CRCP: variants seen among roughly 807,000 people sequenced by gnomAD.
CRCP encodes the protein DNA-directed RNA polymerase III subunit RPC9.
CRCP carries 18 observed loss-of-function variants against 18.5 expected under a neutral mutation model. The observed-to-expected ratio is 0.97, with a 90% confidence interval of 0.67 to 1.44. CRCP has a LOEUF of 1.44. Ranked by LOEUF, CRCP falls within the 40% of genes most tolerant of loss-of-function variation. The pLI, the probability that CRCP is intolerant of heterozygous loss-of-function variation, is 0.00. For missense variants in CRCP, 130 were observed against 176.4 expected (o/e 0.74, Z 1.49); for synonymous variants, 53 against 62.9 (o/e 0.84, Z 0.75).
intron 1 of CRCP, among the ~76,000 whole-genome samples, chr7:66,120,215 A>G (rs1234559940): frequency 2.0e-5 from 3 of 152,122 alleles, no homozygotes; most frequent in East Asian, 3.8e-4. Context: ...AAGAAAAAAA[A>G]ATGTTTTTTG....
rs753554431 is a variant in CRCP at position 66,114,882 on chromosome 7, C to T, written c.-81C>T. On this transcript the variant is annotated 5_prime_UTR_variant, in exon 1 of 6. Transcript: ENST00000395326. Reference sequence around the variant, plus strand: ...TTGGCGCGCGGAGCTGGCACCTTGGCGCTGTTGGTGGCGGCGGAGACAGCT... The same window carrying T: ...TTGGCGCGCGGAGCTGGCACCTTGGTGCTGTTGGTGGCGGCGGAGACAGCT... 1.9e-6 allele frequency: 3 copies of T among 1,608,440 alleles called. No individual in the cohort carries two copies. Among genetic ancestry groups the T allele is most frequent in the East Asian group, 2.2e-5 (1 of 44,626 alleles).
At chr7:66,123,309 G>A (rs1184859640) in intron 1 of CRCP, among the ~76,000 whole-genome samples, 1 of 152,074 alleles carries the variant, frequency 6.6e-6, no homozygotes, top group Non-Finnish European at 1.5e-5. Context: ...GTATAGGTAA[G>A]CAGTTTCTAG....
chr7:66,114,872 G>A lies in CRCP; in HGVS notation c.-91G>A, dbSNP rs1441486215. On this transcript the variant is annotated 5_prime_UTR_variant, in exon 1 of 6. Coordinates refer to ENST00000395326, the MANE Select transcript of CRCP (RefSeq NM_014478.5). Reference sequence around the variant, plus strand: ...GGCGAGCACCTTGGCGCGCGGAGCTGGCACCTTGGCGCTGTTGGTGGCGGC... The same window carrying A: ...GGCGAGCACCTTGGCGCGCGGAGCTAGCACCTTGGCGCTGTTGGTGGCGGC... 3 of 1,606,026 alleles carry A rather than the reference G, an allele frequency of 1.9e-6. No individual in the cohort carries two copies. Among genetic ancestry groups the A allele is most frequent in the Non-Finnish European group, 2.6e-6 (3 of 1,173,558 alleles).
rs1350883940 is a variant in CRCP at position 66,127,567 on chromosome 7, C to G, written c.9-137C>G. On this transcript the variant is annotated intron_variant, in intron 1 of 5. Coordinates refer to ENST00000395326, the MANE Select transcript of CRCP (RefSeq NM_014478.5). ...AAACCATGTTGGACTTAGGACATTT[C>G]TCAGTTTCAATTTTAGGTTGTAGTC... 46 of 920,878 alleles carry G rather than the reference C, an allele frequency of 5.0e-5. No individual in the cohort carries two copies. In the South Asian group the frequency reaches 5.3e-4, roughly 11 times the overall value. The allele number at this position is 920,878 out of a possible 1,614,324, so 57.0% of individuals were successfully genotyped here. A position where few individuals can be genotyped will look rare whatever the true frequency, so the allele number is the denominator to read the frequency against.
intron 1 of CRCP, among the ~76,000 whole-genome samples, chr7:66,121,302 C>T (rs1440028179): frequency 1.3e-5 from 2 of 151,966 alleles, no homozygotes; most frequent in Non-Finnish European, 2.9e-5. Context: ...TCTACCGCCT[C>T]GGCCTCCGAA....
At position 66,152,873 on chromosome 7, in the gene CRCP, T is replaced by TGGCCAATCCTTCAACAGCTCTAGA. The variant is rs1788516839; in HGVS notation, c.*518_*541dup. On this transcript the variant is annotated 3_prime_UTR_variant, in exon 6 of 6. Transcript: ENST00000395326. The stretch of plus-strand genomic sequence containing the variant: ...AACAGAGATAAGAAAAGAACCGGCC[T>TGGCCAATCCTTCAACAGCTCTAGA]GGCCAATCCTTCAACAGCTCTAGAG... 1 of 154,164 alleles carries TGGCCAATCCTTCAACAGCTCTAGA rather than the reference T, an allele frequency of 6.5e-6. No homozygotes were observed. The highest frequency in any genetic ancestry group is 1.4e-5 in the Non-Finnish European group (1 of 69,170). 9.5% of individuals were successfully genotyped at this position (154,164 alleles called of 1,614,324 possible). A position where few individuals can be genotyped will look rare whatever the true frequency, so the allele number is the denominator to read the frequency against.
At chr7:66,141,553 C>A (rs904929581) in intron 4 of CRCP, among the ~76,000 whole-genome samples, 2 of 152,024 alleles carry the variant, frequency 1.3e-5, no homozygotes, top group Non-Finnish European at 2.9e-5. Flanking sequence ...CAGAGCCTCT[C>A]TGGAGAAGAG....
chr7:66,148,081 G>T (rs986762325), intron 5 of CRCP, among the ~76,000 whole-genome samples: 7 of 152,126 alleles, frequency 4.6e-5, no homozygotes, highest in African/African-American at 1.7e-4. Context: ...AAAGCAAATG[G>T]CTGGGCACGG....
rs1788506625 is a variant in CRCP at position 66,152,491 on chromosome 7, A to G, written c.*134A>G. 5.4e-6 allele frequency: 5 copies of G among 926,990 alleles called. No individual in the cohort carries two copies. Among genetic ancestry groups the G allele is most frequent in the Non-Finnish European group, 6.3e-6 (4 of 631,636 alleles). The allele number at this position is 926,990 out of a possible 1,614,324, so 57.4% of individuals were successfully genotyped here. A position where few individuals can be genotyped will look rare whatever the true frequency, so the allele number is the denominator to read the frequency against. On this transcript the variant is annotated 3_prime_UTR_variant, in exon 6 of 6. Transcript: ENST00000395326. The stretch of plus-strand genomic sequence containing the variant: ...GGCTTTGTGGTTAGTTGGGTACATC[A>G]CAAAAATAAGTTAAAAAGAAATATT...
At chr7:66,131,596 A>G (rs1364946185) in intron 3 of CRCP, among the ~76,000 whole-genome samples, 2 of 152,000 alleles carry the variant, frequency 1.3e-5, no homozygotes, top group Non-Finnish European at 2.9e-5. Context: ...TACACGCTTA[A>G]GGCTATTATT....
At position 66,154,457 on chromosome 7, in the gene CRCP, C is replaced by G. The variant is rs192514553; in HGVS notation, c.*2100C>G. 1.3e-4 allele frequency: 20 copies of G among 152,034 alleles called. No homozygotes were observed. Among genetic ancestry groups the G allele is most frequent in the African/African-American group, 3.4e-4 (14 of 41,482 alleles). 9.4% of individuals were successfully genotyped at this position (152,034 alleles called of 1,614,324 possible). A position where few individuals can be genotyped will look rare whatever the true frequency, so the allele number is the denominator to read the frequency against. On this transcript the variant is annotated 3_prime_UTR_variant, in exon 6 of 6. Coordinates refer to ENST00000395326, the MANE Select transcript of CRCP (RefSeq NM_014478.5). ...TTTTCTTGATGGATTTAGGGTTAAC[C>G]TAGTTAATAATAAATTGTTTCCAGG...
Position 66,152,668 on chromosome 7 carries a change from G to A in CRCP, c.*311G>A, listed in dbSNP as rs2292936. On this transcript the variant is annotated 3_prime_UTR_variant, in exon 6 of 6. Coordinates refer to ENST00000395326, the MANE Select transcript of CRCP (RefSeq NM_014478.5). ...TTGTGGGGAGGTCTCTGTGCACAGC[G>A]GGGAAAATGCTTGTGTCGCCTTTGG... is the stretch of plus-strand genomic sequence containing the variant. 11,331 of 286,186 alleles carry A rather than the reference G, an allele frequency of 0.04. 332 individuals carry two copies. The highest frequency in any genetic ancestry group is 0.092 in the East Asian group (1,071 of 11,580). 17.7% of individuals were successfully genotyped at this position (286,186 alleles called of 1,614,324 possible). A position where few individuals can be genotyped will look rare whatever the true frequency, so the allele number is the denominator to read the frequency against.
chr7:66,151,671 C>CTGTGTGTGTG (rs1413679351), intron 5 of CRCP, among the ~76,000 whole-genome samples: 9 of 40,302 alleles, frequency 2.2e-4, no homozygotes, highest in Middle Eastern at 0.012. Flanking sequence ...CACCACTTCT[C>CTGTGTGTGTG]TCTGTGTGTG....
At chr7:66,120,891 G>T (rs1787418177) in intron 1 of CRCP, among the ~76,000 whole-genome samples, 1 of 152,004 alleles carries the variant, frequency 6.6e-6, no homozygotes, top group Admixed American at 6.6e-5. Flanking sequence ...CCAATCTCCA[G>T]TGAATACCAG....
chr7:66,146,941 C>G (rs181749917), intron 5 of CRCP, among the ~76,000 whole-genome samples: 3 of 152,300 alleles, frequency 2.0e-5, no homozygotes, highest in Non-Finnish European at 4.4e-5. Flanking sequence ...ATATGTTACT[C>G]ATGGCTTAAT....
In CRCP at chr7:66,152,245, A is replaced by C; in HGVS notation, c.335A>C (p.Gln112Pro). 2 of 1,614,158 alleles carry C rather than the reference A, an allele frequency of 1.2e-6. No individual in the cohort carries two copies. The highest frequency in any genetic ancestry group is 1.7e-6 in the Non-Finnish European group (2 of 1,180,020). ...EESEERLTEE[Q>P]IEALLHTVTS... ...AGTGAAGAGCGGCTCACGGAGGAGC[A>C]GATTGAAGCTCTTCTCCACACCGTC... The change falls in exon 6 of 6, where the codon CAG (glutamine) becomes CCG (proline). Residue 112 changes from glutamine to proline, a missense_variant. By Grantham distance (76) the Gln-to-Pro change is moderately conservative (BLOSUM62 -1). Transcript: ENST00000395326.
intron 2 of CRCP, among the ~76,000 whole-genome samples, chr7:66,129,007 TG>T (rs1787702785): frequency 6.6e-6 from 1 of 151,998 alleles, no homozygotes; most frequent in Non-Finnish European, 1.5e-5. Context: ...GAGCTCAGCC[TG>T]GGAAACCTAG....
chr7:66,130,642 AG>A (rs1191609684), intron 2 of CRCP, 101 bp from the exon 3 acceptor site: 2 of 544,538 alleles, frequency 3.7e-6, no homozygotes, highest in Non-Finnish European at 6.5e-6. Flanking sequence ...GGCGGGTGAA[AG>A]GAAGTACTAT....
At chr7:66,136,567 T>C (rs1234113792) in intron 4 of CRCP, among the ~76,000 whole-genome samples, 1 of 151,604 alleles carries the variant, frequency 6.6e-6, no homozygotes, top group Admixed American at 6.6e-5. Flanking sequence ...TTTCACTCTA[T>C]TGGCCAGGCT....
Sources: gnomAD v4.1 joint callset for allele counts (sites outside exome capture counted in the v4.1 genomes callset) on GRCh38, gnomAD v4.1.1 for gene constraint, MANE v1.5 for transcripts, NCBI Gene and HGNC (gene_info 2026-07-23, HGNC 2026-07-21) for gene names.